Variants in IKZF2 observed in about 807,000 individuals in gnomAD.
IKZF2 encodes zinc finger protein Helios.
A neutral mutation model predicts 49.2 loss-of-function variants in IKZF2; 15 were observed. The ratio of observed to expected loss-of-function variants is 0.30; its 90% CI spans 0.20 to 0.47. The LOEUF is 0.47. Ranked by LOEUF, IKZF2 falls within the 20% of genes least tolerant of loss-of-function variation. The pLI is 1.00. For missense variants in IKZF2, 567 were observed against 664.6 expected (o/e 0.85, Z 1.61); for synonymous variants, 227 against 221.4 (o/e 1.03, Z -0.23).
At chr2:213,144,030 A>G (rs2060962133) in intron 4 of IKZF2, among the ~76,000 whole-genome samples, 1 of 151,938 alleles carries the variant, frequency 6.6e-6, no homozygotes. Flanking sequence ...TCAAGCCTCA[A>G]TTTCCACATA....
Position 213,003,624 on chromosome 2 carries a change from G to A in IKZF2, c.*3736C>T, listed in dbSNP as rs1045577537. The A allele has an allele frequency of 6.6e-6, 1 of 151,580 alleles. No homozygotes were observed. The highest frequency in any genetic ancestry group is 2.4e-5 in the African/African-American group (1 of 41,362). The allele number at this position is 151,580 out of a possible 1,614,324, so 9.4% of individuals were successfully genotyped here. ...TTTTGTACCCTAAGAAATCATTTTG[G>A]AGATAGGATGAAATAAAATTTGGAA... On this transcript the variant is annotated 3_prime_UTR_variant, in exon 9 of 9. Coordinates refer to ENST00000434687, the MANE Select transcript of IKZF2 (RefSeq NM_001387220.1).
intron 4 of IKZF2, among the ~76,000 whole-genome samples, chr2:213,136,284 T>C (rs1469553098): frequency 1.4e-5 from 2 of 144,980 alleles, no homozygotes; most frequent in Admixed American, 7.0e-5. Context: ...GGCAGGAGAA[T>C]TGCTTGAACC....
intron 4 of IKZF2, among the ~76,000 whole-genome samples, chr2:213,096,895 C>T (rs771685959): frequency 7.2e-5 from 11 of 151,932 alleles, no homozygotes; most frequent in Non-Finnish European, 1.6e-4. Flanking sequence ...ATCTCAGTAG[C>T]TTTCATCATT....
intron 4 of IKZF2, among the ~76,000 whole-genome samples, chr2:213,066,598 G>A (rs1031387473): frequency 6.6e-5 from 10 of 152,086 alleles, no homozygotes; most frequent in Non-Finnish European, 1.5e-4. Flanking sequence ...GATCTATCAA[G>A]TAGTGAGAAA....
intron 4 of IKZF2, among the ~76,000 whole-genome samples, chr2:213,120,115 G>A (rs2060004022): frequency 6.6e-6 from 1 of 152,168 alleles, no homozygotes; most frequent in South Asian, 2.1e-4. Flanking sequence ...ATAAAACAAT[G>A]GGAAGTGGTA....
chr2:213,089,816 T>C lies in IKZF2; in HGVS notation c.140-32717A>G, dbSNP rs141390506. On this transcript the variant is annotated intron_variant, in intron 4 of 8. Transcript: ENST00000434687. ...AGTAGAGCCTAGCATCTGTTCTTCA[T>C]TGGACTCCTTGCCTGAGATTAAATG... Among the ~76,000 whole-genome samples, 876 of 152,232 alleles carry C rather than the reference T, an allele frequency of 5.8e-3. 11 individuals carry two copies. Among genetic ancestry groups the C allele is most frequent in the African/African-American group, 0.02 (843 of 41,544 alleles).
chr2:213,093,491 G>A (rs796836214), intron 4 of IKZF2, among the ~76,000 whole-genome samples: 13 of 152,122 alleles, frequency 8.5e-5, no homozygotes, highest in African/African-American at 2.7e-4. Flanking sequence ...ACTCTAAATC[G>A]TCAATATAAA....
rs927768165 is a variant in IKZF2, at chr2:213,005,815, C to T, written c.*1545G>A. 2 of 151,968 alleles carry T rather than the reference C, an allele frequency of 1.3e-5. No homozygotes were observed. Among genetic ancestry groups the T allele is most frequent in the Non-Finnish European group, 2.9e-5 (2 of 67,984 alleles). 9.4% of individuals were successfully genotyped at this position (151,968 alleles called of 1,614,324 possible). ...CTGCAAAGAAAAAACAGAGCGCCCA[C>T]ATAAATGAAATTAAAATCTGCACAT... is the stretch of plus-strand genomic sequence containing the variant. On this transcript the variant is annotated 3_prime_UTR_variant, in exon 9 of 9. Transcript: ENST00000434687.
chr2:213,145,459 C>T (rs1052070079), intron 4 of IKZF2, among the ~76,000 whole-genome samples: 15 of 152,058 alleles, frequency 9.9e-5, no homozygotes, highest in African/African-American at 2.4e-4. Flanking sequence ...TTAGGAAAAC[C>T]GGTGATCTCA....
intron 4 of IKZF2, among the ~76,000 whole-genome samples, chr2:213,099,791 T>C (rs1036091406): frequency 6.6e-6 from 1 of 152,144 alleles, no homozygotes; most frequent in African/African-American, 2.4e-5. Flanking sequence ...TAGCTCGGCA[T>C]CTCTAAAATG....
intron 4 of IKZF2, among the ~76,000 whole-genome samples, chr2:213,088,496 C>T (rs1016941666): frequency 5.9e-5 from 9 of 152,168 alleles, no homozygotes; most frequent in African/African-American, 2.2e-4. Context: ...CAGTGGCTCA[C>T]ACCTGTAATC....
intron 4 of IKZF2, among the ~76,000 whole-genome samples, chr2:213,109,788 AAAT>A (rs2059642733): frequency 6.6e-6 from 1 of 152,054 alleles, no homozygotes; most frequent in Non-Finnish European, 1.5e-5. Context: ...TAGAAATTTT[AAAT>A]AATATTATCA....
At chr2:213,061,116 G>A (rs1043494402) in intron 4 of IKZF2, among the ~76,000 whole-genome samples, 2 of 151,462 alleles carry the variant, frequency 1.3e-5, no homozygotes, top group Non-Finnish European at 1.5e-5. Context: ...ATTACAAGAA[G>A]TAAAGACACT....
chr2:213,124,228 G>A (rs1292122791), intron 4 of IKZF2, among the ~76,000 whole-genome samples: 3 of 136,406 alleles, frequency 2.2e-5, no homozygotes, highest in African/African-American at 2.6e-5. Context: ...TTGTGTGCAC[G>A]CACACATGCG....
At chr2:213,031,517 A>T (rs1205128365) in intron 6 of IKZF2, among the ~76,000 whole-genome samples, 1 of 152,328 alleles carries the variant, frequency 6.6e-6, no homozygotes, top group East Asian at 1.9e-4. Context: ...AATTCAAACA[A>T]GAAAATGTCT....
intron 6 of IKZF2, among the ~76,000 whole-genome samples, chr2:213,028,962 T>A (rs1040224362): frequency 4.6e-5 from 7 of 152,100 alleles, no homozygotes; most frequent in African/African-American, 1.7e-4. Flanking sequence ...TATGGAAAAT[T>A]ACATTGTGAT....
At chr2:213,040,260 G>A (rs1379837404) in intron 6 of IKZF2, among the ~76,000 whole-genome samples, 1 of 135,526 alleles carries the variant, frequency 7.4e-6, no homozygotes, top group East Asian at 2.2e-4. Context: ...TTTTTTTTTG[G>A]TATAAATTAT....
chr2:213,148,830 A>T (rs1456044177), intron 2 of IKZF2, among the ~76,000 whole-genome samples, 186 bp from the exon 3 acceptor site: 2 of 152,208 alleles, frequency 1.3e-5, no homozygotes, highest in Non-Finnish European at 2.9e-5. Flanking sequence ...AAATGATCTG[A>T]TTCCTGCTGG....
intron 4 of IKZF2, 63 bp downstream of exon 4, chr2:213,147,645 A>C (rs1231684204): frequency 8.1e-7 from 1 of 1,230,486 alleles, no homozygotes; most frequent in African/African-American, 1.5e-5. Context: ...AGACCTAACA[A>C]ATTAAAGTCT....
Sources: allele counts gnomAD v4.1 joint callset (sites outside exome capture counted in the v4.1 genomes callset), GRCh38; gene constraint gnomAD v4.1.1; transcripts MANE v1.5; gene names NCBI Gene and HGNC (gene_info 2026-07-23, HGNC 2026-07-21).